FANCD2: variants seen among roughly 807,000 people sequenced by gnomAD.
FANCD2 encodes FA complementation group D2, also known as Fanconi anemia group D2 protein.
FANCD2 carries 131 observed loss-of-function variants against 192.3 expected under a neutral mutation model. The ratio of observed to expected loss-of-function variants is 0.68; its 90% CI spans 0.59 to 0.79. The LOEUF (loss-of-function observed/expected upper bound fraction) is 0.79, where lower values mean the gene tolerates loss of function less well. FANCD2 is among the 30% of genes least tolerant of loss of function. The probability of loss-of-function intolerance (pLI) is 0.00; values close to 1 mark genes in which losing one functional copy is unlikely to be tolerated. For synonymous variants in FANCD2, 524 were observed against 612.5 expected (o/e 0.86, Z 2.13); for missense variants, 1,508 against 1,701.6 (o/e 0.89, Z 2.00).
At chr3:10,036,141 G>A (rs1451554931) in intron 6 of FANCD2, 146 bp from the exon 7 acceptor site, 2 of 570,736 alleles carry the variant, frequency 3.5e-6, no homozygotes, top group African/African-American at 2.2e-5. Flanking sequence ...GGCTGGAGTG[G>A]AGTGGTGCAA....
chr3:10,067,385 C>A (rs2087750873), intron 26 of FANCD2, 68 bp downstream of exon 26: 2 of 902,554 alleles, frequency 2.2e-6, no homozygotes, highest in African/African-American at 1.7e-5. Flanking sequence ...ACTTAGCTTT[C>A]CCTGATACCA....
At chr3:10,088,402 A>C (rs1229429828) in intron 34 of FANCD2, 47 bp from the exon 35 acceptor site, 1 of 1,109,900 alleles carries the variant, frequency 9.0e-7, no homozygotes, top group South Asian at 1.2e-5. Flanking sequence ...AGCAAGAATG[A>C]GGTCAAGTTC....
chr3:10,075,812 G>GCTCCGC (rs1693506596), intron 29 of FANCD2, among the ~76,000 whole-genome samples: 1 of 136,270 alleles, frequency 7.3e-6, no homozygotes. Context: ...CTCACTGCAA[G>GCTCCGC]CTCCGCCTCC....
At chr3:10,071,383 C>G (rs1206792031) in intron 26 of FANCD2, among the ~76,000 whole-genome samples, 1 of 152,166 alleles carries the variant, frequency 6.6e-6, no homozygotes, top group Non-Finnish European at 1.5e-5. Context: ...AAGGAGATAT[C>G]TGCACTCCCA....
chr3:10,091,736 A>G (rs1442199538), intron 37 of FANCD2, among the ~76,000 whole-genome samples: 1 of 152,130 alleles, frequency 6.6e-6, no homozygotes, highest in Non-Finnish European at 1.5e-5. Context: ...TGAATCTCAG[A>G]AACTCAAAAC....
chr3:10,095,878 A>ATTTTTT (rs397950663), intron 41 of FANCD2, among the ~76,000 whole-genome samples: 8 of 125,770 alleles, frequency 6.4e-5, no homozygotes, highest in African/African-American at 1.5e-4. Context: ...CTGAACAGTG[A>ATTTTTT]TTTTTTTTTT....
chr3:10,094,009 C>T (rs1369711857), intron 39 of FANCD2, among the ~76,000 whole-genome samples: 1 of 152,206 alleles, frequency 6.6e-6, no homozygotes, highest in African/African-American at 2.4e-5. Context: ...TAGAGCTCCC[C>T]TCTACTCTAT....
At chr3:10,099,173 A>G in intron 43 of FANCD2, 1 of 1,417,538 alleles carries the variant, frequency 7.1e-7, no homozygotes, top group South Asian at 1.5e-5. Flanking sequence ...CCATTTAAAC[A>G]CATTTGAAAC....
At chr3:10,097,527 TC>T in intron 42 of FANCD2, among the ~76,000 whole-genome samples, 1 of 152,364 alleles carries the variant, frequency 6.6e-6, no homozygotes, top group Admixed American at 6.5e-5. Context: ...ATGGTTCTGT[TC>T]CGCCCGGCTC....
intron 31 of FANCD2, 23 bp from the exon 32 acceptor site, chr3:10,081,323 C>G (rs763296605): frequency 6.8e-6 from 11 of 1,611,022 alleles, no homozygotes; most frequent in African/African-American, 4.0e-5. Flanking sequence ...AAGCAACTGT[C>G]CTAAAATCAT....
intron 1 of FANCD2, among the ~76,000 whole-genome samples, chr3:10,027,434 G>T (rs373821471): frequency 6.6e-6 from 1 of 152,188 alleles, no homozygotes; most frequent in African/African-American, 2.4e-5. Context: ...GACCACGAAG[G>T]TTCTGATTTA....
chr3:10,085,650 G>A (rs567433290), intron 32 of FANCD2, 162 bp from the exon 33 acceptor site: 12 of 628,572 alleles, frequency 1.9e-5, no homozygotes, highest in South Asian at 4.5e-5. Context: ...TCAGCCTCCC[G>A]AAGTGCTGGG....
intron 30 of FANCD2, 58 bp downstream of exon 30, chr3:10,078,255 AT>A: frequency 1.7e-6 from 2 of 1,167,084 alleles, no homozygotes; most frequent in Non-Finnish European, 2.6e-6. Flanking sequence ...CAAAGGAGGT[AT>A]TATGATGAAA....
At chr3:10,036,560 T>C (rs868194354) in intron 7 of FANCD2, among the ~76,000 whole-genome samples, 1 of 152,154 alleles carries the variant, frequency 6.6e-6, no homozygotes, top group African/African-American at 2.4e-5. Context: ...ATTGGCCTGG[T>C]GCAGTGGCTC....
chr3:10,038,153 G>A (rs1023344408), intron 7 of FANCD2, among the ~76,000 whole-genome samples: 1 of 152,008 alleles, frequency 6.6e-6, no homozygotes, highest in Non-Finnish European at 1.5e-5. Context: ...ACCACACCCA[G>A]CTAATTTTTG....
At chr3:10,100,408 C>G (rs34491509) in intron 43 of FANCD2, among the ~76,000 whole-genome samples, 1,841 of 152,302 alleles carry the variant, frequency 0.012, 17 homozygotes, top group South Asian at 0.042. Flanking sequence ...GAGTCTCCCT[C>G]TGTCGCCCAG....
intron 9 of FANCD2, chr3:10,041,235 A>C (rs2086856599): frequency 8.4e-6 from 2 of 239,326 alleles, no homozygotes; most frequent in African/African-American, 4.7e-5. Context: ...GCAATCTATC[A>C]CTGTCCTTCT....
chr3:10,062,261 T>C (rs767147846), intron 20 of FANCD2, 50 bp downstream of exon 20: 1 of 1,380,802 alleles, frequency 7.2e-7, no homozygotes, highest in Non-Finnish European at 1.0e-6. Context: ...TTTTTTTTTT[T>C]AGAGAGTCTC....
At chr3:10,034,053 A>G (rs532037003) in intron 3 of FANCD2, among the ~76,000 whole-genome samples, 3 of 147,752 alleles carry the variant, frequency 2.0e-5, no homozygotes, top group East Asian at 4.5e-4. Context: ...GGCTGGGCAC[A>G]GTGGCTTATG....
Sources: gnomAD v4.1 joint callset for allele counts (sites outside exome capture counted in the v4.1 genomes callset) on GRCh38, gnomAD v4.1.1 for gene constraint, MANE v1.5 for transcripts, NCBI Gene and HGNC (gene_info 2026-07-23, HGNC 2026-07-21) for gene names.